Variants in DNM3 observed in about 807,000 individuals in gnomAD.
DNM3 encodes the protein dynamin 3, also known as dynamin-3.
Under a neutral mutation model 101.6 loss-of-function variants are expected in DNM3, and 47 were observed. The observed-to-expected ratio is 0.46, with a 90% CI of 0.37 to 0.59. DNM3 has a LOEUF of 0.59. Ranked by LOEUF, DNM3 falls within the 20% of genes least tolerant of loss-of-function variation. The pLI, the probability that DNM3 is intolerant of heterozygous loss-of-function variation, is 0.00. For synonymous variants in DNM3, 385 were observed against 387.9 expected (o/e 0.99, Z 0.09); for missense variants, 849 against 1,085.7 (o/e 0.78, Z 3.06).
chr1:172,268,986 G>A (rs2062977795), intron 15 of DNM3, among the ~76,000 whole-genome samples: 1 of 152,124 alleles, frequency 6.6e-6, no homozygotes, highest in Non-Finnish European at 1.5e-5. Flanking sequence ...TACTTTTCAG[G>A]AGCCTTTGCG....
In DNM3 at chr1:172,003,081, C is replaced by T. The variant is rs145896067; in HGVS notation, c.589+13933C>T. Among the ~76,000 whole-genome samples the T allele has an allele frequency of 2.4e-3, 372 of 152,092 alleles. 2 individuals carry two copies. The highest frequency in any genetic ancestry group is 8.6e-3 in the African/African-American group (358 of 41,538). On this transcript the variant is annotated intron_variant, in intron 4 of 20. Coordinates refer to ENST00000627582, the MANE Select transcript of DNM3 (RefSeq NM_015569.5). ...AGTAAGAAGATAATAAATATATTCT[C>T]TCTTTTTCTGAATTTAATTGCCAAT...
At chr1:172,286,167 G>A (rs960122431) in intron 15 of DNM3, among the ~76,000 whole-genome samples, 19 of 151,832 alleles carry the variant, frequency 1.3e-4, no homozygotes, top group African/African-American at 2.4e-5. Context: ...GAAGGAAGAG[G>A]CCAAGCTAGC....
At position 172,388,831 on chromosome 1, in the gene DNM3, G is replaced by GA. The variant is rs1299301133; in HGVS notation, c.2522+22_2522+23insA. On this transcript the variant is annotated intron_variant, in intron 20 of 20. Transcript: ENST00000627582. The stretch of plus-strand genomic sequence containing the variant: ...CAAGGTAAGGCATGGAGCAGAAATT[G>GA]GGGGGGTAGTGCGCCTTGGTTCTCT... 2.0e-6 allele frequency: 3 copies of GA among 1,533,030 alleles called. No individual in the cohort carries two copies. The Admixed American group carries it at 5.9e-5, about 30-fold the overall frequency. The allele number at this position is 1,533,030 out of a possible 1,614,324, so 95.0% of individuals were successfully genotyped here.
chr1:172,026,358 A>G (rs1002197545), intron 4 of DNM3, among the ~76,000 whole-genome samples: 3 of 152,194 alleles, frequency 2.0e-5, no homozygotes, highest in African/African-American at 4.8e-5. Context: ...GATGGGAAGA[A>G]TGGAACCAAG....
intron 14 of DNM3, among the ~76,000 whole-genome samples, chr1:172,191,105 G>A (rs1346889149): frequency 1.3e-5 from 2 of 152,108 alleles, no homozygotes; most frequent in Non-Finnish European, 2.9e-5. Flanking sequence ...CCTATGTCCT[G>A]AATGGTATTG....
chr1:172,416,076 A>G (rs1573807184), downstream of DNM3, among the ~76,000 whole-genome samples: 1 of 152,300 alleles, frequency 6.6e-6, no homozygotes, highest in East Asian at 1.9e-4. Flanking sequence ...GTTATTTTTC[A>G]GAATGCTTAA....
intron 12 of DNM3, among the ~76,000 whole-genome samples, chr1:172,089,860 A>G (rs2053786870): frequency 6.6e-6 from 1 of 152,112 alleles, no homozygotes; most frequent in South Asian, 2.1e-4. Context: ...GGAATATTGG[A>G]CCTAAAAGGA....
At chr1:172,345,162 C>T (rs1558023435) in intron 17 of DNM3, among the ~76,000 whole-genome samples, 1 of 152,132 alleles carries the variant, frequency 6.6e-6, no homozygotes, top group African/African-American at 2.4e-5. Flanking sequence ...TTGTCTTTCT[C>T]GAAAGTTCAG....
intron 1 of DNM3, among the ~76,000 whole-genome samples, chr1:171,920,708 G>T (rs1177710650): frequency 6.6e-6 from 1 of 152,134 alleles, no homozygotes; most frequent in East Asian, 1.9e-4. Flanking sequence ...AATTTATGTG[G>T]CATTGCAGAT....
At chr1:171,891,188 G>A (rs538346243) in intron 1 of DNM3, among the ~76,000 whole-genome samples, 45 of 152,290 alleles carry the variant, frequency 3.0e-4, no homozygotes, top group African/African-American at 1.1e-3. Context: ...AAGGAGGCAG[G>A]TGATGCAAAT....
At chr1:172,011,231 C>T (rs2047105865) in intron 4 of DNM3, among the ~76,000 whole-genome samples, 2 of 151,896 alleles carry the variant, frequency 1.3e-5, no homozygotes, top group East Asian at 3.9e-4. Context: ...AAATGATTCC[C>T]ATCCCTTTGT....
At chr1:172,191,974 A>T (rs1357339815) in intron 14 of DNM3, among the ~76,000 whole-genome samples, 1 of 151,134 alleles carries the variant, frequency 6.6e-6, no homozygotes, top group Non-Finnish European at 1.5e-5. Context: ...TTCCTAAGTG[A>T]ATACTCCTTA....
intron 13 of DNM3, among the ~76,000 whole-genome samples, chr1:172,105,662 A>G (rs185095459): frequency 1.1e-3 from 166 of 152,324 alleles, no homozygotes; most frequent in African/African-American, 2.8e-3. Context: ...TTGATTGGGT[A>G]TGTGTAAAGC....
chr1:172,076,150 T>G (rs1277441335), intron 11 of DNM3, among the ~76,000 whole-genome samples: 1 of 152,214 alleles, frequency 6.6e-6, no homozygotes, highest in Non-Finnish European at 1.5e-5. Flanking sequence ...CTTGTGATTT[T>G]TGCACATTGA....
At chr1:171,903,146 C>T (rs2038522049) in intron 1 of DNM3, among the ~76,000 whole-genome samples, 1 of 151,346 alleles carries the variant, frequency 6.6e-6, no homozygotes, top group African/African-American at 2.4e-5. Context: ...CAGAGCGAGA[C>T]CCTGTCTCAA....
At chr1:172,140,071 C>T (rs1299414940) in intron 14 of DNM3, 1 of 151,888 alleles carries the variant, frequency 6.6e-6, no homozygotes, top group Admixed American at 6.6e-5. Flanking sequence ...TTAAGAAAAA[C>T]AAACAGTTTG....
chr1:171,999,772 G>A (rs926390021), intron 4 of DNM3, among the ~76,000 whole-genome samples: 6 of 152,118 alleles, frequency 3.9e-5, no homozygotes, highest in Non-Finnish European at 7.4e-5. Context: ...AGAGAAAAGA[G>A]AGAGATTTAA....
At chr1:172,159,944 A>G (rs921034968) in intron 14 of DNM3, among the ~76,000 whole-genome samples, 8 of 152,006 alleles carry the variant, frequency 5.3e-5, no homozygotes, top group African/African-American at 9.7e-5. Context: ...CCCCTAGGCT[A>G]TAAACCCATA....
chr1:172,104,117 A>G (rs2054843486), intron 13 of DNM3, among the ~76,000 whole-genome samples: 1 of 152,120 alleles, frequency 6.6e-6, no homozygotes, highest in African/African-American at 2.4e-5. Flanking sequence ...TTATTTTCTT[A>G]TTGATTTTTA....
Sources: allele counts gnomAD v4.1 joint callset (sites outside exome capture counted in the v4.1 genomes callset), GRCh38; gene constraint gnomAD v4.1.1; transcripts MANE v1.5; gene names NCBI Gene and HGNC (gene_info 2026-07-23, HGNC 2026-07-21).